Variants in AGBL1 observed in about 807,000 individuals in gnomAD.
AGBL1 encodes cytosolic carboxypeptidase 4.
Under a neutral mutation model 118.9 loss-of-function variants are expected in AGBL1, and 130 were observed. The ratio of observed to expected loss-of-function variants is 1.09; its 90% CI spans 0.95 to 1.26. AGBL1 has a LOEUF of 1.26. Among genes scored for constraint, AGBL1 ranks in the 50% most tolerant of loss-of-function variants. The pLI, the probability that AGBL1 is intolerant of heterozygous loss-of-function variation, is 0.00. For missense variants in AGBL1, 1,584 were observed against 1,298.1 expected, an observed-to-expected ratio of 1.22 and a Z score of -3.38; for synonymous variants, 555 against 478.9, an observed-to-expected ratio of 1.16 and a Z score of -2.08.
intron 1 of AGBL1, among the ~76,000 whole-genome samples, chr15:86,116,190 T>A (rs757809453): frequency 1.3e-5 from 2 of 152,222 alleles, no homozygotes; most frequent in Non-Finnish European, 2.9e-5. Context: ...CTAGGTGATT[T>A]CAGCTACAGC....
intron 22 of AGBL1, among the ~76,000 whole-genome samples, chr15:86,744,028 T>C (rs2077719323): frequency 1.3e-5 from 2 of 152,126 alleles, no homozygotes; most frequent in African/African-American, 4.8e-5. Flanking sequence ...TTTAAATATA[T>C]ATATTTACTT....
At chr15:86,864,061 A>G (rs1190518764) in intron 22 of AGBL1, among the ~76,000 whole-genome samples, 1 of 152,184 alleles carries the variant, frequency 6.6e-6, no homozygotes, top group Non-Finnish European at 1.5e-5. Flanking sequence ...TGTGCACAGC[A>G]CTTTTTACTA....
intron 18 of AGBL1, among the ~76,000 whole-genome samples, chr15:86,445,440 T>G (rs1476173896): frequency 1.3e-5 from 2 of 152,244 alleles, no homozygotes; most frequent in Admixed American, 6.5e-5. Flanking sequence ...TCCCTTGCAG[T>G]TGATGTGGTC....
chr15:86,590,391 G>A (rs1280129411), intron 21 of AGBL1, among the ~76,000 whole-genome samples: 3 of 152,026 alleles, frequency 2.0e-5, no homozygotes, highest in East Asian at 1.9e-4. Flanking sequence ...TTTATATGGG[G>A]GCTTTTCCCC....
downstream of AGBL1, among the ~76,000 whole-genome samples, chr15:87,030,599 T>C (rs2081774529): frequency 1.3e-5 from 2 of 151,958 alleles, no homozygotes; most frequent in South Asian, 4.1e-4. Context: ...ATGATGTCAT[T>C]GCAAGTAAGC....
chr15:86,830,577 C>T (rs550685481), intron 22 of AGBL1, among the ~76,000 whole-genome samples: 1 of 152,146 alleles, frequency 6.6e-6, no homozygotes, highest in African/African-American at 2.4e-5. Context: ...TACACAAAAA[C>T]TCAACAGCAT....
chr15:86,449,007 G>A (rs1347406441), intron 18 of AGBL1, among the ~76,000 whole-genome samples: 1 of 152,142 alleles, frequency 6.6e-6, no homozygotes, highest in Non-Finnish European at 1.5e-5. Flanking sequence ...CGAGGCTACA[G>A]GTGCAGCTTT....
chr15:86,905,358 C>A (rs1194574024), intron 22 of AGBL1, among the ~76,000 whole-genome samples: 2 of 152,090 alleles, frequency 1.3e-5, no homozygotes. Context: ...CACTAATAGG[C>A]AAGGGAGCAT....
At chr15:86,776,435 A>G (rs2078256225) in intron 22 of AGBL1, among the ~76,000 whole-genome samples, 1 of 151,688 alleles carries the variant, frequency 6.6e-6, no homozygotes. Flanking sequence ...TATTTTATTT[A>G]TTTGTGTTTC....
In AGBL1 at chr15:86,621,639, G is replaced by C. The variant is rs528029097; in HGVS notation, c.2995-52634G>C. Reference sequence around the variant, plus strand: ...TGAGATCCTTAATTACATCTGAAAAGACCTTATGTCCAAATCAGCTCACAT... The same window carrying C: ...TGAGATCCTTAATTACATCTGAAAACACCTTATGTCCAAATCAGCTCACAT... On this transcript the variant is annotated intron_variant, in intron 21 of 22. Transcript: ENST00000614907. 4.6e-5 allele frequency among the ~76,000 whole-genome samples: 7 copies of C among 152,270 alleles called. 2 individuals carry two copies. Among genetic ancestry groups the C allele is most frequent in the African/African-American group, 1.7e-4 (7 of 41,548 alleles).
chr15:86,196,794 T>C (rs1167424730), intron 5 of AGBL1, among the ~76,000 whole-genome samples: 1 of 151,864 alleles, frequency 6.6e-6, no homozygotes, highest in Non-Finnish European at 1.5e-5. Context: ...ATAGGACTGG[T>C]GGTCTTATAA....
At chr15:86,570,640 C>T (rs1028578687) in intron 21 of AGBL1, among the ~76,000 whole-genome samples, 1 of 152,162 alleles carries the variant, frequency 6.6e-6, no homozygotes, top group Non-Finnish European at 1.5e-5. Context: ...AAATCCAGCA[C>T]CATGTTGGAT....
At position 86,687,548 on chromosome 15, in the gene AGBL1, T is replaced by C. The variant is rs78453692; in HGVS notation, c.3158+13112T>C. Among the ~76,000 whole-genome samples the C allele has an allele frequency of 3.2e-3, 488 of 152,300 alleles. 2 individuals carry two copies. The highest frequency in any genetic ancestry group is 0.011 in the African/African-American group (469 of 41,574). Reference sequence around the variant, plus strand: ...AGGATAGGATGATTATATGGCTGAATACTATGTAATATTTTAATATAGTCA... The same window carrying C: ...AGGATAGGATGATTATATGGCTGAACACTATGTAATATTTTAATATAGTCA... On this transcript the variant is annotated intron_variant, in intron 22 of 22. Coordinates refer to ENST00000614907, the MANE Select transcript of AGBL1 (RefSeq NM_001386094.1).
rs567451480 is a variant in AGBL1 at position 86,588,547 on chromosome 15, A to G, written c.2994+34010A>G. Among the ~76,000 whole-genome samples the G allele has an allele frequency of 5.3e-5, 8 of 152,316 alleles. No homozygotes were observed. The South Asian group carries it at 1.7e-3, about 32-fold the overall frequency. On this transcript the variant is annotated intron_variant, in intron 21 of 22. Coordinates refer to ENST00000614907, the MANE Select transcript of AGBL1 (RefSeq NM_001386094.1). Reference sequence around the variant, plus strand: ...TTTTCAACATTTTTCATAAGGCTGAAGCTCATATGCAGATAGAACTCATTT... The same window carrying G: ...TTTTCAACATTTTTCATAAGGCTGAGGCTCATATGCAGATAGAACTCATTT...
At chr15:86,836,914 C>T (rs1181107266) in intron 22 of AGBL1, among the ~76,000 whole-genome samples, 1 of 152,136 alleles carries the variant, frequency 6.6e-6, no homozygotes, top group Non-Finnish European at 1.5e-5. Flanking sequence ...TTTTCATTAT[C>T]TGAAACTATC....
At chr15:86,100,568 A>G (rs1050624454) in intron 1 of AGBL1, among the ~76,000 whole-genome samples, 5 of 151,932 alleles carry the variant, frequency 3.3e-5, no homozygotes, top group Middle Eastern at 3.4e-3. Flanking sequence ...CAGGTCTTCT[A>G]TTTCTTCCTA....
chr15:86,671,670 T>G (rs1398131812), intron 21 of AGBL1, among the ~76,000 whole-genome samples: 1 of 152,192 alleles, frequency 6.6e-6, no homozygotes, highest in African/African-American at 2.4e-5. Flanking sequence ...CTGTTTTATT[T>G]TTAATGCTCA....
chr15:86,984,800 C>T (rs2081265493), intron 23 of AGBL1, among the ~76,000 whole-genome samples: 1 of 152,082 alleles, frequency 6.6e-6, no homozygotes, highest in Non-Finnish European at 1.5e-5. Flanking sequence ...AAAAAAATAT[C>T]CATTTACAAT....
At chr15:86,124,283 T>C (rs1483626121) in intron 1 of AGBL1, among the ~76,000 whole-genome samples, 1 of 147,562 alleles carries the variant, frequency 6.8e-6, no homozygotes, top group South Asian at 2.1e-4. Context: ...TGAGCTGAGA[T>C]TGCACCACTG....
Sources: gnomAD v4.1 joint callset for allele counts (sites outside exome capture counted in the v4.1 genomes callset) on GRCh38, gnomAD v4.1.1 for gene constraint, MANE v1.5 for transcripts, NCBI Gene and HGNC (gene_info 2026-07-23, HGNC 2026-07-21) for gene names.